Variants in PRKACB observed in about 807,000 individuals in gnomAD.
The protein encoded by PRKACB is cAMP-dependent protein kinase catalytic subunit beta.
A neutral mutation model predicts 51.4 loss-of-function variants in PRKACB; 16 were observed. That is an observed-to-expected ratio of 0.31 (90% CI 0.21 to 0.47). The LOEUF (loss-of-function observed/expected upper bound fraction) is 0.47. Among genes scored for constraint, PRKACB ranks in the 20% least tolerant of loss-of-function variants. The probability of loss-of-function intolerance (pLI) is 1.00; values close to 1 mark genes in which losing one functional copy is unlikely to be tolerated. For missense variants in PRKACB, 309 were observed against 464.5 expected (o/e 0.67, Z 3.08); for synonymous variants, 147 against 154.4 (o/e 0.95, Z 0.35).
chr1:84,136,677 GT>G (rs1652859332), intron 1 of PRKACB, among the ~76,000 whole-genome samples: 1 of 152,128 alleles, frequency 6.6e-6, no homozygotes, highest in Admixed American at 6.5e-5. Flanking sequence ...AATCACACTT[GT>G]AGGTATTTAA....
chr1:84,125,263 T>C (rs527586926), intron 1 of PRKACB, among the ~76,000 whole-genome samples: 1 of 152,312 alleles, frequency 6.6e-6, no homozygotes, highest in African/African-American at 2.4e-5. Context: ...GCCCTCTCTC[T>C]GGTGCTTCTA....
intron 8 of PRKACB, chr1:84,204,982 TA>T: frequency 1.0e-6 from 1 of 982,906 alleles, no homozygotes; most frequent in Non-Finnish European, 1.2e-6. Context: ...GCATATATTC[TA>T]AAATCATAAC....
At chr1:84,105,506 A>G (rs1649666770) in intron 1 of PRKACB, among the ~76,000 whole-genome samples, 2 of 152,112 alleles carry the variant, frequency 1.3e-5, no homozygotes, top group South Asian at 4.1e-4. Context: ...AGAAAAATCT[A>G]CCAGAATCCT....
At chr1:84,114,885 A>G (rs1650509323) in intron 1 of PRKACB, among the ~76,000 whole-genome samples, 1 of 152,226 alleles carries the variant, frequency 6.6e-6, no homozygotes. Context: ...TTTTATGGCC[A>G]AGTAATATTG....
rs555170438 is a variant in PRKACB at position 84,200,466 on chromosome 1, G to A, written c.784-2217G>A. 5.7e-4 allele frequency among the ~76,000 whole-genome samples: 87 copies of A among 152,226 alleles called. 1 individual carries two copies. The South Asian group carries it at 0.017, about 31-fold the overall frequency. On this transcript the variant is annotated intron_variant, in intron 7 of 9. Coordinates refer to ENST00000370685, the MANE Select transcript of PRKACB (RefSeq NM_182948.4). ...TTTACCGTTGATAGTTTCTTTTGCTGTGCAGAATCTCTTCAGTTTAATTAG... is the reference window on the plus strand; with the variant it reads ...TTTACCGTTGATAGTTTCTTTTGCTATGCAGAATCTCTTCAGTTTAATTAG...
rs146215866 is a variant in PRKACB, at chr1:84,115,620, C to T, written c.46+37249C>T. Among the ~76,000 whole-genome samples the T allele has an allele frequency of 5.4e-4, 82 of 151,822 alleles. 3 individuals are homozygous for T. The East Asian group carries it at 0.011, about 20-fold the overall frequency. On this transcript the variant is annotated intron_variant, in intron 1 of 8. Transcript: ENST00000370688. ...TGCCTAGGCCAGGTGCGGTGGCTCA[C>T]GCCTATAATCTCAGCACTTTGGGAG...
chr1:84,212,531 T>C (rs947637414), intron 8 of PRKACB, among the ~76,000 whole-genome samples: 1 of 152,114 alleles, frequency 6.6e-6, no homozygotes, highest in Non-Finnish European at 1.5e-5. Context: ...TTGAAGACAG[T>C]GTAATAAAGA....
chr1:84,188,834 T>C (rs1451804610), intron 5 of PRKACB, among the ~76,000 whole-genome samples: 1 of 151,956 alleles, frequency 6.6e-6, no homozygotes, highest in Non-Finnish European at 1.5e-5. Flanking sequence ...TTTTGGGAAG[T>C]TTGTTAAACA....
rs779206835 is a variant in PRKACB, at chr1:84,202,754, A to C, written c.855A>C (p.Pro285=). The change falls in exon 8 of 10, where the codon CCA becomes CCC. Residue 285 remains proline (P), a synonymous_variant. Transcript: ENST00000370685. ...LIYEMAAGYP[P]FFADQPIQIY... is the part of the protein sequence containing the mutation. ...ATGAAATGGCAGCTGGCTATCCCCC[A>C]TTCTTTGCAGACCAACCAATTCAGA... 4.3e-6 allele frequency: 7 copies of C among 1,610,216 alleles called. No homozygotes were observed. The highest frequency in any genetic ancestry group is 2.7e-5 in the African/African-American group (2 of 74,928).
intron 8 of PRKACB, among the ~76,000 whole-genome samples, chr1:84,210,717 C>T (rs1305851217): frequency 6.6e-6 from 1 of 152,094 alleles, no homozygotes; most frequent in African/African-American, 2.4e-5. Context: ...AGTCGCTCTT[C>T]CCATCATAGA....
At chr1:84,181,621 T>G in intron 2 of PRKACB, 1 of 1,297,522 alleles carries the variant, frequency 7.7e-7, no homozygotes, top group Non-Finnish European at 1.0e-6. Context: ...TAATACTGTG[T>G]TTTTATAATA....
At chr1:84,109,871 AC>A (rs1650073746) in intron 1 of PRKACB, among the ~76,000 whole-genome samples, 1 of 151,296 alleles carries the variant, frequency 6.6e-6, no homozygotes, top group African/African-American at 2.4e-5. Flanking sequence ...CCTTTTATTA[AC>A]CCTTTTCTGA....
intron 1 of PRKACB, among the ~76,000 whole-genome samples, chr1:84,079,636 G>T (rs960408622): frequency 3.9e-5 from 6 of 152,210 alleles, no homozygotes; most frequent in African/African-American, 1.4e-4. Flanking sequence ...GAGATTTAAA[G>T]AAGCCAATGT....
intron 1 of PRKACB, among the ~76,000 whole-genome samples, chr1:84,116,674 C>T (rs1471973987): frequency 1.3e-5 from 2 of 151,984 alleles, no homozygotes; most frequent in East Asian, 1.9e-4. Flanking sequence ...ATTTTGTCTC[C>T]TGCAACTCTA....
intron 1 of PRKACB, among the ~76,000 whole-genome samples, chr1:84,095,571 C>T (rs1648865922): frequency 6.6e-6 from 1 of 151,190 alleles, no homozygotes; most frequent in Non-Finnish European, 1.5e-5. Flanking sequence ...TTGAGATTTT[C>T]TCTTTGCCTT....
At chr1:84,151,394 C>T (rs1165382955) in intron 1 of PRKACB, among the ~76,000 whole-genome samples, 1 of 152,106 alleles carries the variant, frequency 6.6e-6, no homozygotes, top group East Asian at 1.9e-4. Flanking sequence ...GCTGATTGAT[C>T]AAGGTGATGG....
At chr1:84,161,558 C>G (rs550099334) in intron 1 of PRKACB, among the ~76,000 whole-genome samples, 1 of 151,668 alleles carries the variant, frequency 6.6e-6, no homozygotes, top group African/African-American at 2.4e-5. Flanking sequence ...ACCTTCTTTT[C>G]TATTACGTAT....
intron 1 of PRKACB, among the ~76,000 whole-genome samples, chr1:84,134,581 C>T (rs12064286): frequency 3.3e-5 from 5 of 151,630 alleles, no homozygotes; most frequent in Non-Finnish European, 5.9e-5. Flanking sequence ...AAAAAGGATT[C>T]TAAAGAGAGA....
At chr1:84,126,662 G>A (rs569680141) in intron 1 of PRKACB, among the ~76,000 whole-genome samples, 4 of 152,262 alleles carry the variant, frequency 2.6e-5, no homozygotes, top group South Asian at 2.1e-4. Flanking sequence ...TGTGGCCCTC[G>A]TTGGGGTCTG....
Sources: allele counts gnomAD v4.1 joint callset (sites outside exome capture counted in the v4.1 genomes callset), GRCh38; gene constraint gnomAD v4.1.1; transcripts MANE v1.5; gene names NCBI Gene and HGNC (gene_info 2026-07-23, HGNC 2026-07-21).